The following NIPBL variants were observed in gnomAD, a reference collection of about 807,000 sequenced individuals.
NIPBL encodes NIPBL cohesin loading factor.
Under a neutral mutation model 321.8 loss-of-function variants are expected in NIPBL, and 19 were observed. The observed-to-expected ratio is 0.06, with a 90% confidence interval of 0.04 to 0.09. The LOEUF is 0.09. Among genes scored for constraint, NIPBL ranks in the 10% least tolerant of loss-of-function variants. NIPBL has a pLI of 1.00. For synonymous variants in NIPBL, 1,106 were observed against 1,114.1 expected (o/e 0.99, Z 0.14); for missense variants, 2,210 against 3,327.0 (o/e 0.66, Z 8.26).
chr5:37,045,351 C>CAA, intron 36 of NIPBL, 92 bp from the exon 37 acceptor site: 19 of 967,066 alleles, frequency 2.0e-5, no homozygotes, highest in East Asian at 3.0e-5. Context: ...GACTCCATCT[C>CAA]AAAAAAAAAA....
At chr5:37,044,606 T>C (rs773058483) in intron 35 of NIPBL, 30 bp from the exon 36 acceptor site, 1 of 1,596,972 alleles carries the variant, frequency 6.3e-7, no homozygotes, top group Non-Finnish European at 8.6e-7. Flanking sequence ...TATTTTTAAC[T>C]TTTATCTAAA....
rs747852202 is a variant in NIPBL at position 37,060,883 on chromosome 5, A to G, written c.7725A>G (p.Val2575=). The change falls in exon 45 of 47, where the codon GTA becomes GTG. Residue 2575 remains valine, a synonymous_variant. Transcript: ENST00000282516. The part of the protein sequence containing the change: ...QKYSPSESAK[V]YDKAINRKTG... ...ACTCTCCATCTGAATCTGCAAAAGT[A>G]TATGATAAAGCGATAAACCGAAAAA... 3 of 1,614,084 alleles carry G rather than the reference A, an allele frequency of 1.9e-6. No homozygotes were observed. The highest frequency in any genetic ancestry group is 2.2e-5 in the East Asian group (1 of 44,860).
At chr5:37,009,243 AAAAT>A (rs1311143134) in intron 20 of NIPBL, among the ~76,000 whole-genome samples, 1 of 152,192 alleles carries the variant, frequency 6.6e-6, no homozygotes, top group Non-Finnish European at 1.5e-5. Flanking sequence ...CTCAAAAAAA[AAAAT>A]AAAAAACAGA....
At chr5:36,989,957 T>TA (rs1561124256) in intron 10 of NIPBL, among the ~76,000 whole-genome samples, 2 of 152,010 alleles carry the variant, frequency 1.3e-5, no homozygotes, top group Non-Finnish European at 1.5e-5. Context: ...TTTTTTTTTT[T>TA]AACTCCAGAG....
intron 10 of NIPBL, among the ~76,000 whole-genome samples, chr5:36,993,919 A>G (rs1745836176): frequency 6.6e-6 from 1 of 152,174 alleles, no homozygotes; most frequent in Admixed American, 6.5e-5. Context: ...GACTATCCAT[A>G]TATATGTACT....
rs994863331 is a variant in NIPBL at position 36,877,021 on chromosome 5, C to G, written c.-237C>G. On this transcript the variant is annotated 5_prime_UTR_variant, in exon 1 of 47. Coordinates refer to ENST00000282516, the MANE Select transcript of NIPBL (RefSeq NM_133433.4). ...GAGGAGGAGGAGGAAGAAGAAGCAACGATTTGTCTTCTCGGCTGGTCTCCC... is the reference window on the plus strand; with the variant it reads ...GAGGAGGAGGAGGAAGAAGAAGCAAGGATTTGTCTTCTCGGCTGGTCTCCC... 1 of 373,762 alleles carries G rather than the reference C, an allele frequency of 2.7e-6. No homozygotes were observed. The highest frequency in any genetic ancestry group is 4.8e-6 in the Non-Finnish European group (1 of 210,182). The allele number at this position is 373,762 out of a possible 1,614,324, so 23.2% of individuals were successfully genotyped here.
chr5:36,957,415 A>T (rs181885619), intron 3 of NIPBL, among the ~76,000 whole-genome samples: 1 of 152,346 alleles, frequency 6.6e-6, no homozygotes, highest in Non-Finnish European at 1.5e-5. Context: ...ATTCAGGTGT[A>T]AGAAAATATA....
intron 1 of NIPBL, among the ~76,000 whole-genome samples, chr5:36,913,392 T>C (rs1748204329): frequency 6.6e-6 from 1 of 151,698 alleles, no homozygotes; most frequent in South Asian, 2.1e-4. Flanking sequence ...CTTCTTTTTT[T>C]TTTTTTTTTT....
Position 37,038,606 on chromosome 5 carries a change from T to C in NIPBL, c.5976T>C (p.Ser1992=). 1 of 1,613,622 alleles carries C rather than the reference T, an allele frequency of 6.2e-7. No individual in the cohort carries two copies. Among genetic ancestry groups the C allele is most frequent in the Non-Finnish European group, 8.5e-7 (1 of 1,179,754 alleles). The stretch of plus-strand genomic sequence containing the variant: ...TTTCTCTGTTTGTTTTTCCAGACTC[T>C]GACAATAAAGGTGTGAATTCTGGAA... ...ILKYEESLAD[S]DNKGVNSGRL... is the part of the protein sequence containing the mutation. The change falls in exon 34 of 47, where the codon TCT becomes TCC. Residue 1992 remains serine, a synonymous_variant. Coordinates refer to ENST00000282516, the MANE Select transcript of NIPBL (RefSeq NM_133433.4).
intron 1 of NIPBL, among the ~76,000 whole-genome samples, chr5:36,895,436 G>C (rs1746659684): frequency 6.6e-6 from 1 of 152,150 alleles, no homozygotes; most frequent in Non-Finnish European, 1.5e-5. Context: ...GCATTCATTT[G>C]TAAGTTTCTG....
chr5:37,013,377 G>A (rs899652893), intron 21 of NIPBL, among the ~76,000 whole-genome samples: 2 of 152,106 alleles, frequency 1.3e-5, no homozygotes, highest in African/African-American at 4.8e-5. Flanking sequence ...CGGACGAGGT[G>A]GCTGCTGGGC....
chr5:37,037,915 C>G (rs1326081045), intron 33 of NIPBL, among the ~76,000 whole-genome samples: 1 of 148,678 alleles, frequency 6.7e-6, no homozygotes, highest in Admixed American at 6.7e-5. Flanking sequence ...AACAACATGT[C>G]TTTTTGTACC....
Position 37,000,521 on chromosome 5 carries a change from G to C in NIPBL, c.3453G>C (p.Pro1151=), listed in dbSNP as rs150369438. The part of the protein sequence containing the change: ...SGGGRYRNRS[P]SDSDMEDYSP... ...GTGGTCGTTATCGAAACCGAAGTCCGTCAGATTCTGACATGGAAGATTATT... is the reference window on the plus strand; with the variant it reads ...GTGGTCGTTATCGAAACCGAAGTCCCTCAGATTCTGACATGGAAGATTATT... The change falls in exon 12 of 47, where the codon CCG becomes CCC. Residue 1151 remains proline (P), a synonymous_variant. Coordinates refer to ENST00000282516, the MANE Select transcript of NIPBL (RefSeq NM_133433.4). 1.2e-6 allele frequency: 2 copies of C among 1,613,398 alleles called. No homozygotes were observed.
chr5:36,964,570 A>C (rs1209618038), intron 6 of NIPBL, among the ~76,000 whole-genome samples: 1 of 152,174 alleles, frequency 6.6e-6, no homozygotes, highest in East Asian at 1.9e-4. Context: ...TGAGACATGA[A>C]ACTACTAGAA....
intron 1 of NIPBL, among the ~76,000 whole-genome samples, chr5:36,903,353 A>C (rs1432863237): frequency 6.6e-6 from 1 of 152,168 alleles, no homozygotes; most frequent in Middle Eastern, 3.2e-3. Context: ...TCCAGTTCTT[A>C]AGGGGAATGC....
intron 9 of NIPBL, among the ~76,000 whole-genome samples, chr5:36,982,636 T>C (rs1744273750): frequency 6.6e-6 from 1 of 151,876 alleles, no homozygotes; most frequent in African/African-American, 2.4e-5. Flanking sequence ...ATAGTTTAAA[T>C]AAAATATATC....
chr5:37,046,301 A>G (rs377583413), intron 38 of NIPBL, 102 bp downstream of exon 38: 13 of 737,068 alleles, frequency 1.8e-5, no homozygotes, highest in East Asian at 1.6e-4. Context: ...ATATGTTTCT[A>G]TTAGCAGTAG....
intron 8 of NIPBL, among the ~76,000 whole-genome samples, chr5:36,975,439 G>T (rs142824802): frequency 6.6e-6 from 1 of 152,232 alleles, no homozygotes; most frequent in East Asian, 1.9e-4. Flanking sequence ...AAATATTTGT[G>T]TTGTATCATC....
intron 20 of NIPBL, among the ~76,000 whole-genome samples, chr5:37,009,149 G>A (rs548568371): frequency 6.6e-6 from 1 of 152,146 alleles, no homozygotes; most frequent in South Asian, 2.1e-4. Context: ...CCACTAGTCA[G>A]TGAGAAGATC....
Sources: gnomAD v4.1 joint callset for allele counts (sites outside exome capture counted in the v4.1 genomes callset) on GRCh38, gnomAD v4.1.1 for gene constraint, MANE v1.5 for transcripts, NCBI Gene and HGNC (gene_info 2026-07-23, HGNC 2026-07-21) for gene names.